The following PDE11A variants were observed in gnomAD, a reference collection of about 807,000 sequenced individuals.
PDE11A encodes dual 3',5'-cyclic-AMP and -GMP phosphodiesterase 11A.
A neutral mutation model predicts 100.5 loss-of-function variants in PDE11A; 100 were observed. The observed-to-expected ratio is 1.00, with a 90% CI of 0.85 to 1.18. PDE11A has a LOEUF of 1.18. Among genes scored for constraint, PDE11A ranks in the 50% most tolerant of loss-of-function variants. PDE11A has a pLI of 0.00. For synonymous variants in PDE11A, 381 were observed against 420.8 expected (o/e 0.91, Z 1.16); for missense variants, 1,141 against 1,152.6 (o/e 0.99, Z 0.15).
At chr2:177,856,761 G>C (rs1428404740) in intron 5 of PDE11A, among the ~76,000 whole-genome samples, 1 of 151,912 alleles carries the variant, frequency 6.6e-6, no homozygotes, top group Admixed American at 6.6e-5. Flanking sequence ...GGAACAGAAA[G>C]TAAAAAGAAT....
chr2:177,786,534 C>A (rs1432302176), intron 9 of PDE11A, among the ~76,000 whole-genome samples: 1 of 152,086 alleles, frequency 6.6e-6, no homozygotes, highest in African/African-American at 2.4e-5. Context: ...CAAAGCTGGA[C>A]GGAGAATGAC....
At chr2:177,971,824 C>A (rs2085774262) in intron 2 of PDE11A, among the ~76,000 whole-genome samples, 1 of 150,706 alleles carries the variant, frequency 6.6e-6, no homozygotes, top group East Asian at 2.0e-4. Context: ...CCAGACAATT[C>A]AAAAAGAAAA....
chr2:178,096,250 G>A (rs866954852), intron 2 of PDE11A, among the ~76,000 whole-genome samples: 14 of 146,734 alleles, frequency 9.5e-5, no homozygotes, highest in Middle Eastern at 3.6e-3. Context: ...CGCAAGCCCC[G>A]CCTCCTGGGT....
At chr2:177,895,457 G>A (rs865833673) in intron 4 of PDE11A, among the ~76,000 whole-genome samples, 1 of 151,950 alleles carries the variant, frequency 6.6e-6, no homozygotes, top group African/African-American at 2.4e-5. Context: ...AGGAGACTGA[G>A]GCAGGAGAAT....
chr2:178,019,139 T>C (rs974698827), intron 1 of PDE11A, among the ~76,000 whole-genome samples: 2 of 152,218 alleles, frequency 1.3e-5, no homozygotes, highest in African/African-American at 4.8e-5. Flanking sequence ...TATTTAATTT[T>C]TGAAAATTTC....
chr2:177,624,307 T>A lies in PDE11A; in HGVS notation c.*5100A>T, dbSNP rs2079802442. ...GCATTTTTCTTTATATTTAAATCTTTCCCTAGTATGTCTAGGTTTCTGTCC... is the reference window on the plus strand; with the variant it reads ...GCATTTTTCTTTATATTTAAATCTTACCCTAGTATGTCTAGGTTTCTGTCC... On this transcript the variant is annotated 3_prime_UTR_variant, in exon 20 of 20. Transcript: ENST00000286063. The A allele has an allele frequency of 6.6e-6, 1 of 151,814 alleles. No homozygotes were observed. The highest frequency in any genetic ancestry group is 2.4e-5 in the African/African-American group (1 of 41,412). 9.4% of individuals were successfully genotyped at this position (151,814 alleles called of 1,614,324 possible). A position where few individuals can be genotyped will look rare whatever the true frequency, so the allele number is the denominator to read the frequency against.
chr2:177,839,904 C>A (rs2083462024), intron 6 of PDE11A, among the ~76,000 whole-genome samples: 1 of 152,084 alleles, frequency 6.6e-6, no homozygotes, highest in Non-Finnish European at 1.5e-5. Flanking sequence ...ATAATGCCAA[C>A]CAATTTACTG....
chr2:178,061,376 C>T (rs1444505840), intron 1 of PDE11A, among the ~76,000 whole-genome samples: 2 of 152,012 alleles, frequency 1.3e-5, no homozygotes, highest in African/African-American at 2.4e-5. Context: ...CACAGGTCAC[C>T]CTACCTCCAA....
At chr2:178,047,529 A>G (rs1318311871) in intron 1 of PDE11A, among the ~76,000 whole-genome samples, 5 of 151,722 alleles carry the variant, frequency 3.3e-5, no homozygotes, top group Non-Finnish European at 4.4e-5. Flanking sequence ...TATCCTAAAG[A>G]TATATAAAAC....
At chr2:177,787,467 G>A (rs1405547799) in intron 9 of PDE11A, among the ~76,000 whole-genome samples, 1 of 151,816 alleles carries the variant, frequency 6.6e-6, no homozygotes, top group Admixed American at 6.6e-5. Context: ...AGACTAGGAA[G>A]AAACTGCATC....
chr2:178,062,811 T>C (rs1021193988), intron 1 of PDE11A, among the ~76,000 whole-genome samples: 1 of 152,206 alleles, frequency 6.6e-6, no homozygotes, highest in African/African-American at 2.4e-5. Flanking sequence ...AAAAATGTAA[T>C]GCTAGTATTA....
rs1415128992 is a variant in PDE11A, at chr2:177,633,577, C to A, written c.2647-4015G>T. 5.3e-5 allele frequency among the ~76,000 whole-genome samples: 8 copies of A among 152,304 alleles called. 1 individual carries two copies. Among genetic ancestry groups the A allele is most frequent in the African/African-American group, 1.9e-4 (8 of 41,568 alleles). ...AACATCTAATTTTAAATCAAATTTA[C>A]TAGTTATTTCATATGATAATAAAAC... On this transcript the variant is annotated intron_variant, in intron 19 of 19. Coordinates refer to ENST00000286063, the MANE Select transcript of PDE11A (RefSeq NM_016953.4).
At chr2:177,760,204 A>C (rs2082149874) in intron 10 of PDE11A, among the ~76,000 whole-genome samples, 1 of 152,150 alleles carries the variant, frequency 6.6e-6, no homozygotes, top group African/African-American at 2.4e-5. Context: ...AGACTTTGTG[A>C]GCCTCAAGTG....
At chr2:177,991,566 C>T (rs905306266) in intron 2 of PDE11A, among the ~76,000 whole-genome samples, 1 of 150,090 alleles carries the variant, frequency 6.7e-6, no homozygotes, top group Non-Finnish European at 1.5e-5. Flanking sequence ...ACCCAGGAGG[C>T]GGAGGTTGCA....
chr2:178,096,037 A>G (rs1276547790), intron 2 of PDE11A, among the ~76,000 whole-genome samples: 1 of 152,128 alleles, frequency 6.6e-6, no homozygotes, highest in African/African-American at 2.4e-5. Context: ...AAGGTTTCTG[A>G]CATGCCCTGG....
chr2:178,083,182 C>A (rs1574389713), intron 2 of PDE11A, among the ~76,000 whole-genome samples: 1 of 151,322 alleles, frequency 6.6e-6, no homozygotes, highest in South Asian at 2.1e-4. Flanking sequence ...TCACTGCAAC[C>A]TCTGCCTCCC....
At chr2:177,884,197 A>G (rs1246927554) in intron 4 of PDE11A, among the ~76,000 whole-genome samples, 2 of 152,296 alleles carry the variant, frequency 1.3e-5, no homozygotes, top group East Asian at 3.9e-4. Context: ...CCAAAATAGT[A>G]ATGATAAAGA....
At chr2:177,842,858 C>T (rs1351518417) in intron 5 of PDE11A, among the ~76,000 whole-genome samples, 1 of 145,024 alleles carries the variant, frequency 6.9e-6, no homozygotes, top group Non-Finnish European at 1.6e-5. Context: ...ATTCTGTAAG[C>T]CTGGGACATG....
chr2:177,799,314 A>G (rs1294985802), intron 9 of PDE11A, among the ~76,000 whole-genome samples: 1 of 152,158 alleles, frequency 6.6e-6, no homozygotes, highest in African/African-American at 2.4e-5. Context: ...TCAAGTATGG[A>G]CTTTAGTTGA....
Sources: allele counts gnomAD v4.1 joint callset (sites outside exome capture counted in the v4.1 genomes callset), GRCh38; gene constraint gnomAD v4.1.1; transcripts MANE v1.5; gene names NCBI Gene and HGNC (gene_info 2026-07-23, HGNC 2026-07-21).